The following PHIP variants were observed in gnomAD, a reference collection of about 807,000 sequenced individuals.
The protein encoded by PHIP is PHIP subunit of CUL4-Ring ligase complex.
PHIP carries 54 observed loss-of-function variants against 236.8 expected under a neutral mutation model. The observed-to-expected ratio is 0.23, with a 90% CI of 0.18 to 0.29. The LOEUF is 0.29. PHIP is among the 10% of genes least tolerant of loss of function. The probability of loss-of-function intolerance (pLI) is 1.00; values close to 1 mark genes in which losing one functional copy is unlikely to be tolerated. For synonymous variants in PHIP, 756 were observed against 718.9 expected, an observed-to-expected ratio of 1.05 and a Z score of -0.83; for missense variants, 1,370 against 2,190.8, an observed-to-expected ratio of 0.63 and a Z score of 7.48.
intron 27 of PHIP, among the ~76,000 whole-genome samples, chr6:78,968,920 T>G (rs948382058): frequency 2.0e-5 from 3 of 152,236 alleles, no homozygotes; most frequent in East Asian, 1.9e-4. Flanking sequence ...GAAGGAGATT[T>G]GGACCTGCTA....
intron 9 of PHIP, among the ~76,000 whole-genome samples, chr6:79,022,181 C>T (rs1279767806): frequency 1.3e-5 from 2 of 152,140 alleles, no homozygotes; most frequent in Non-Finnish European, 2.9e-5. Flanking sequence ...CGACCTTAGG[C>T]CAAGTTAACA....
intron 19 of PHIP, among the ~76,000 whole-genome samples, chr6:78,994,339 A>T (rs1179558823): frequency 6.6e-6 from 1 of 152,158 alleles, no homozygotes; most frequent in Admixed American, 6.5e-5. Flanking sequence ...GCACTTTGGG[A>T]GGCTGAAGTG....
intron 39 of PHIP, among the ~76,000 whole-genome samples, chr6:78,942,070 T>G (rs1273703129): frequency 6.6e-6 from 1 of 152,200 alleles, no homozygotes; most frequent in Non-Finnish European, 1.5e-5. Flanking sequence ...TTTGATATGG[T>G]AGGTGATTTG....
At chr6:78,946,332 T>C (rs1773817099) in intron 37 of PHIP, 72 bp from the exon 38 acceptor site, 1 of 1,458,430 alleles carries the variant, frequency 6.9e-7, no homozygotes, top group Non-Finnish European at 9.2e-7. Context: ...TATAATATTT[T>C]TGGATTCAAT....
At chr6:78,997,016 AT>A (rs769158256) in intron 19 of PHIP, among the ~76,000 whole-genome samples, 2,381 of 148,304 alleles carry the variant, frequency 0.016, 28 homozygotes, top group Non-Finnish European at 0.022. Flanking sequence ...TTTCCAATTT[AT>A]TTTTTTTTTG....
intron 35 of PHIP, among the ~76,000 whole-genome samples, chr6:78,950,714 C>G (rs748762741): frequency 3.9e-5 from 6 of 152,146 alleles, no homozygotes; most frequent in Non-Finnish European, 8.8e-5. Context: ...CTGATATTAA[C>G]AATCTGTCTT....
intron 30 of PHIP, 148 bp downstream of exon 30, chr6:78,962,949 C>A (rs1033375080): frequency 4.7e-6 from 3 of 635,844 alleles, no homozygotes; most frequent in African/African-American, 3.8e-5. Context: ...TGTGTTAAGA[C>A]CACATTCAAA....
chr6:78,949,861 G>GT (rs1258831326), intron 35 of PHIP, among the ~76,000 whole-genome samples: 1 of 151,912 alleles, frequency 6.6e-6, no homozygotes, highest in African/African-American at 2.4e-5. Flanking sequence ...GTTAATTTTT[G>GT]TATTTTTTGT....
At chr6:79,033,744 C>T (rs533789562) in intron 7 of PHIP, among the ~76,000 whole-genome samples, 19 of 152,242 alleles carry the variant, frequency 1.2e-4, no homozygotes, top group African/African-American at 3.1e-4. Flanking sequence ...TGGAGTAGCA[C>T]GTTTAATTTC....
chr6:79,020,583 A>T (rs889925050), intron 9 of PHIP, among the ~76,000 whole-genome samples: 3 of 152,216 alleles, frequency 2.0e-5, no homozygotes, highest in Non-Finnish European at 2.9e-5. Context: ...ATAAGTTCCA[A>T]GCAACCATTT....
At chr6:79,053,384 A>G (rs1772902334) in intron 6 of PHIP, among the ~76,000 whole-genome samples, 1 of 152,176 alleles carries the variant, frequency 6.6e-6, no homozygotes, top group Non-Finnish European at 1.5e-5. Context: ...ACGAGACAAA[A>G]TGTTTTGCAA....
At position 78,934,889 on chromosome 6, in the gene PHIP, TAGAA is replaced by T. The variant is rs1773210411; in HGVS notation, c.*5800_*5803del. On this transcript the variant is annotated 3_prime_UTR_variant, in exon 40 of 40. Coordinates refer to ENST00000275034, the MANE Select transcript of PHIP (RefSeq NM_017934.7). Reference sequence around the variant, plus strand: ...CTGCCAGTATGTCTAACCAATTAGGTAGAAAGGTATTTCATTGAATGACTTCCAC... The same window carrying T: ...CTGCCAGTATGTCTAACCAATTAGGTAGGTATTTCATTGAATGACTTCCAC... 6.6e-6 allele frequency among the ~76,000 whole-genome samples: 1 copy of T among 152,152 alleles called. No individual in the cohort carries two copies. The highest frequency in any genetic ancestry group is 2.4e-5 in the African/African-American group (1 of 41,432).
chr6:78,950,306 T>C (rs1045356001), intron 35 of PHIP, among the ~76,000 whole-genome samples: 7 of 152,210 alleles, frequency 4.6e-5, no homozygotes, highest in African/African-American at 9.7e-5. Flanking sequence ...GTTAAAGGTT[T>C]TTCTTCTTTT....
intron 6 of PHIP, among the ~76,000 whole-genome samples, chr6:79,054,354 A>G (rs76190062): frequency 6.6e-6 from 1 of 151,060 alleles, no homozygotes; most frequent in Non-Finnish European, 1.5e-5. Context: ...AAAAAAAAAA[A>G]GCGAAGTATA....
intron 7 of PHIP, among the ~76,000 whole-genome samples, chr6:79,037,379 G>A (rs181823505): frequency 3.3e-5 from 5 of 152,182 alleles, no homozygotes; most frequent in Non-Finnish European, 5.9e-5. Context: ...TTTTCTCAGC[G>A]CATCACTTCT....
chr6:79,039,839 A>G (rs1463786532), intron 7 of PHIP, among the ~76,000 whole-genome samples: 2 of 152,150 alleles, frequency 1.3e-5, no homozygotes, highest in Non-Finnish European at 2.9e-5. Flanking sequence ...TTAAAAGGCT[A>G]AAAGAGAATT....
Position 78,975,977 on chromosome 6 carries a change from C to A in PHIP, c.2889+2615G>T, listed in dbSNP as rs1013138648. Among the ~76,000 whole-genome samples the A allele has an allele frequency of 6.1e-4, 93 of 151,724 alleles. 1 individual carries two copies. The South Asian group carries it at 7.9e-3, about 13-fold the overall frequency. On this transcript the variant is annotated intron_variant, in intron 24 of 39. Coordinates refer to ENST00000275034, the MANE Select transcript of PHIP (RefSeq NM_017934.7). ...AGGTAATTTACAGATTCAATGCCAT[C>A]CCCATCAAGCTACCAATGCCTTTCT...
chr6:78,943,340 T>A (rs939145600), intron 39 of PHIP, among the ~76,000 whole-genome samples: 8 of 152,102 alleles, frequency 5.3e-5, no homozygotes, highest in Non-Finnish European at 1.2e-4. Flanking sequence ...TACTCAAAAA[T>A]TAAAAATCAA....
At chr6:78,989,518 C>G (rs778704472) in intron 20 of PHIP, among the ~76,000 whole-genome samples, 1 of 152,046 alleles carries the variant, frequency 6.6e-6, no homozygotes, top group African/African-American at 2.4e-5. Context: ...TCCTTGAAAT[C>G]GAAAATAACC....
Sources: gnomAD v4.1 joint callset for allele counts (sites outside exome capture counted in the v4.1 genomes callset) on GRCh38, gnomAD v4.1.1 for gene constraint, MANE v1.5 for transcripts, NCBI Gene and HGNC (gene_info 2026-07-23, HGNC 2026-07-21) for gene names.